KIF26B: variants seen among roughly 807,000 people sequenced by gnomAD.
KIF26B encodes the protein kinesin family member 26B, also known as kinesin-like protein KIF26B.
Under a neutral mutation model 151.2 loss-of-function variants are expected in KIF26B, and 63 were observed. The observed-to-expected ratio is 0.42, with a 90% CI of 0.34 to 0.51. KIF26B has a LOEUF of 0.51. Ranked by LOEUF, KIF26B falls within the 20% of genes least tolerant of loss-of-function variation. KIF26B has a pLI of 0.07. For synonymous variants in KIF26B, 1,357 were observed against 1,262.1 expected (o/e 1.08, Z -1.59); for missense variants, 2,813 against 2,913.6 (o/e 0.97, Z 0.79).
chr1:245,699,312 T>C (rs1259706834), intron 14 of KIF26B, among the ~76,000 whole-genome samples: 6 of 152,124 alleles, frequency 3.9e-5, no homozygotes, highest in African/African-American at 1.4e-4. Flanking sequence ...TTTTTCCCCC[T>C]GCGTGTGGCA....
intron 3 of KIF26B, among the ~76,000 whole-genome samples, chr1:245,395,504 T>G (rs141419220): frequency 3.1e-3 from 472 of 152,318 alleles, no homozygotes; most frequent in African/African-American, 0.011. Context: ...ATGCCACTAC[T>G]GGACGCAGCC....
Position 245,390,934 on chromosome 1 carries a change from A to AC in KIF26B, c.999+23567_999+23568insC, listed in dbSNP as rs1558147883. On this transcript the variant is annotated intron_variant, in intron 3 of 14. Transcript: ENST00000407071. ...AAGACCCTGTCTCAAAAAAAAAAAAAAAAAAAAAAAAAAAAAAACCACCAT... is the reference window on the plus strand; with the variant it reads ...AAGACCCTGTCTCAAAAAAAAAAAAACAAAAAAAAAAAAAAAAAACCACCAT... 3.8e-3 allele frequency among the ~76,000 whole-genome samples: 500 copies of AC among 130,722 alleles called. 30 individuals are homozygous for AC. Among genetic ancestry groups the AC allele is most frequent in the African/African-American group, 0.016 (479 of 29,958 alleles). 85.8% of individuals were successfully genotyped at this position (130,722 alleles called of 152,430 possible). A position where few individuals can be genotyped will look rare whatever the true frequency, so the allele number is the denominator to read the frequency against.
At position 245,156,208 on chromosome 1, in the gene KIF26B, C is replaced by T. The variant is rs971400895; in HGVS notation, c.64-74C>T. The T allele has an allele frequency of 4.7e-6, 7 of 1,495,760 alleles. No homozygotes were observed. In the African/African-American group the frequency reaches 5.7e-5, roughly 12 times the overall value. The allele number at this position is 1,495,760 out of a possible 1,614,324, so 92.7% of individuals were successfully genotyped here. A position where few individuals can be genotyped will look rare whatever the true frequency, so the allele number is the denominator to read the frequency against. On this transcript the variant is annotated intron_variant, in intron 1 of 14. Transcript: ENST00000407071. ...CGGTTCGAGCGGGTACTTGGTGGCG[C>T]ACGTATGACCCAGCTCCTGGGCGCT... is the stretch of plus-strand genomic sequence containing the variant.
At chr1:245,612,101 TGTGTGAGAGA>T (rs1436178520) in intron 9 of KIF26B, 125 bp downstream of exon 9, 61 of 500,644 alleles carry the variant, frequency 1.2e-4, no homozygotes, top group African/African-American at 9.5e-4. Flanking sequence ...TGTGTGTGTG[TGTGTGAGAGA>T]GAGAGAGAGA....
At position 245,398,663 on chromosome 1, in the gene KIF26B, C is replaced by T. The variant is rs1435795245; in HGVS notation, c.1000-20916C>T. ...CATTTTCTACGCAAAAGTCCAGGGG[C>T]TTGCTATTGAAATTAGGCAAAGAGG... On this transcript the variant is annotated intron_variant, in intron 3 of 14. Coordinates refer to ENST00000407071, the MANE Select transcript of KIF26B (RefSeq NM_018012.4). Among the ~76,000 whole-genome samples, 16 of 152,068 alleles carry T rather than the reference C, an allele frequency of 1.1e-4. No homozygotes were observed. The East Asian group carries it at 2.9e-3, about 28-fold the overall frequency.
In KIF26B at chr1:245,512,194, G is replaced by A. The variant is rs949802666; in HGVS notation, c.1167-28573G>A. Among the ~76,000 whole-genome samples the A allele has an allele frequency of 3.3e-5, 5 of 152,138 alleles. No homozygotes were observed. The highest frequency in any genetic ancestry group is 5.9e-5 in the Non-Finnish European group (4 of 68,036). On this transcript the variant is annotated intron_variant, in intron 4 of 14. Transcript: ENST00000407071. This position sits in a 1 kb window ranked among gnomAD's most constrained non-coding sequence, Gnocchi z 4.3. Reference sequence around the variant, plus strand: ...AGTGGGATTTCTAACAATAAGAGTCGTGAGTTTTTCTGAGCTATCATTGCC... The same window carrying A: ...AGTGGGATTTCTAACAATAAGAGTCATGAGTTTTTCTGAGCTATCATTGCC...
intron 4 of KIF26B, among the ~76,000 whole-genome samples, chr1:245,442,586 T>C (rs1189732340): frequency 6.6e-6 from 1 of 152,144 alleles, no homozygotes; most frequent in Non-Finnish European, 1.5e-5. Context: ...GCTTTTAGCT[T>C]CAGCCTGACC....
intron 2 of KIF26B, among the ~76,000 whole-genome samples, chr1:245,314,235 G>T (rs1671719991): frequency 6.6e-6 from 1 of 152,080 alleles, no homozygotes; most frequent in African/African-American, 2.4e-5. Flanking sequence ...ATCGCCTGAG[G>T]TCAGGAGCTT....
chr1:245,412,096 A>G (rs1674301750), intron 3 of KIF26B, among the ~76,000 whole-genome samples: 1 of 152,230 alleles, frequency 6.6e-6, no homozygotes, highest in African/African-American at 2.4e-5. Context: ...GCATAGACAC[A>G]TCCTAAGACA....
chr1:245,543,382 T>C (rs1040937755), intron 5 of KIF26B, among the ~76,000 whole-genome samples: 5 of 152,218 alleles, frequency 3.3e-5, no homozygotes, highest in Non-Finnish European at 7.3e-5. Context: ...AACTAAAGTT[T>C]GCATTTCACA....
At position 245,572,383 on chromosome 1, in the gene KIF26B, G is replaced by T. The variant is rs1216099277; in HGVS notation, c.1351-30194G>T. On this transcript the variant is annotated intron_variant, in intron 5 of 14. Transcript: ENST00000407071. This position sits in a 1 kb window ranked among gnomAD's most constrained non-coding sequence, Gnocchi z 4.2. ...TAGCTCCCAACTCTTATTGGGAGCA[G>T]AAGTGCCACTGGAGTAGGGTGGCTG... 6.6e-6 allele frequency among the ~76,000 whole-genome samples: 1 copy of T among 152,144 alleles called. No homozygotes were observed. Among genetic ancestry groups the T allele is most frequent in the African/African-American group, 2.4e-5 (1 of 41,444 alleles).
chr1:245,403,559 C>T lies in KIF26B; in HGVS notation c.1000-16020C>T, dbSNP rs147430255. Among the ~76,000 whole-genome samples the T allele has an allele frequency of 6.4e-3, 966 of 152,078 alleles. 12 individuals carry two copies. The highest frequency in any genetic ancestry group is 0.022 in the African/African-American group (920 of 41,468). On this transcript the variant is annotated intron_variant, in intron 3 of 14. Coordinates refer to ENST00000407071, the MANE Select transcript of KIF26B (RefSeq NM_018012.4). ...TCTGGGGTGTGTGTGTGTGCGCGCG[C>T]ATGTGTGTGTGTCCACGTGCATGCG... is the stretch of plus-strand genomic sequence containing the variant.
chr1:245,362,867 G>A (rs4658755), intron 2 of KIF26B, among the ~76,000 whole-genome samples: 6,223 of 152,206 alleles, frequency 0.041, 351 homozygotes, highest in East Asian at 0.25. Flanking sequence ...TCTAAGTATC[G>A]AATCCTTACA....
Position 245,323,538 on chromosome 1 carries a change from C to T in KIF26B, c.466-43296C>T, listed in dbSNP as rs140145467. On this transcript the variant is annotated intron_variant, in intron 2 of 14. Coordinates refer to ENST00000407071, the MANE Select transcript of KIF26B (RefSeq NM_018012.4). ...AGAAAGGTCTCTCTTGATGGCAAGA[C>T]CGAGCAGCATCTTTCACTGAGCCAC... is the stretch of plus-strand genomic sequence containing the variant. Among the ~76,000 whole-genome samples the T allele has an allele frequency of 1.7e-3, 264 of 152,246 alleles. 1 individual carries two copies. Among genetic ancestry groups the T allele is most frequent in the Admixed American group, 4.8e-3 (74 of 15,304 alleles).
intron 3 of KIF26B, among the ~76,000 whole-genome samples, chr1:245,410,064 T>C (rs1674237923): frequency 1.3e-5 from 2 of 152,230 alleles, no homozygotes; most frequent in Non-Finnish European, 2.9e-5. Flanking sequence ...GTATTACTCA[T>C]GCAAGTATAA....
At chr1:245,176,259 A>G (rs2103525143) in intron 2 of KIF26B, among the ~76,000 whole-genome samples, 1 of 151,220 alleles carries the variant, frequency 6.6e-6, no homozygotes, top group East Asian at 1.9e-4. Flanking sequence ...TCAGCCTCCC[A>G]AAGTGCTGGG....
At chr1:245,468,153 A>C (rs1659836266) in intron 4 of KIF26B, among the ~76,000 whole-genome samples, 1 of 152,196 alleles carries the variant, frequency 6.6e-6, no homozygotes, top group African/African-American at 2.4e-5. Flanking sequence ...CTTTTAAACC[A>C]ACTTCATTTC....
At chr1:245,308,424 C>T (rs1402659976) in intron 2 of KIF26B, among the ~76,000 whole-genome samples, 2 of 152,160 alleles carry the variant, frequency 1.3e-5, no homozygotes, top group Non-Finnish European at 2.9e-5. Flanking sequence ...AAATAACCTA[C>T]TTGGGTCTAT....
chr1:245,550,786 T>C (rs1661863832), intron 5 of KIF26B, among the ~76,000 whole-genome samples: 1 of 152,236 alleles, frequency 6.6e-6, no homozygotes, highest in Admixed American at 6.5e-5. Flanking sequence ...AGTAACTAAG[T>C]TGCTACAAGC....
Sources: allele counts gnomAD v4.1 joint callset (sites outside exome capture counted in the v4.1 genomes callset), GRCh38; gene constraint gnomAD v4.1.1; non-coding constraint Gnocchi (gnomAD v3.1); transcripts MANE v1.5; gene names NCBI Gene and HGNC (gene_info 2026-07-23, HGNC 2026-07-21).